Variants in PRKN observed in about 807,000 individuals in gnomAD.
The protein encoded by PRKN is parkin RBR E3 ubiquitin protein ligase.
PRKN carries 56 observed loss-of-function variants against 59.5 expected under a neutral mutation model. The observed-to-expected ratio is 0.94, with a 90% CI of 0.76 to 1.18. The LOEUF is 1.18. Among genes scored for constraint, PRKN ranks in the 50% most tolerant of loss-of-function variants. The pLI is 0.00. For missense variants in PRKN, 657 were observed against 596.4 expected (o/e 1.10, Z -1.06); for synonymous variants, 250 against 222.1 (o/e 1.13, Z -1.12).
chr6:162,261,818 A>C (rs1322692016), intron 3 of PRKN, among the ~76,000 whole-genome samples: 2 of 152,120 alleles, frequency 1.3e-5, no homozygotes, highest in Admixed American at 1.3e-4. Context: ...AAAATTTTTA[A>C]GTTCCTTAAA....
At chr6:162,111,867 T>C (rs1780454002) in intron 4 of PRKN, among the ~76,000 whole-genome samples, 1 of 152,196 alleles carries the variant, frequency 6.6e-6, no homozygotes, top group Non-Finnish European at 1.5e-5. Context: ...CTTGCTTCCA[T>C]AACTCAACAG....
At chr6:162,028,508 C>G (rs542202769) in intron 5 of PRKN, among the ~76,000 whole-genome samples, 2 of 152,236 alleles carry the variant, frequency 1.3e-5, no homozygotes, top group South Asian at 4.1e-4. Flanking sequence ...TGGAGGTGTG[C>G]GTGGAAACTT....
rs61592555 is a variant in PRKN, at chr6:162,179,968, C to CTGTGTGTGTGTGTGTGTGTGTGTG, written c.534+21139_534+21162dup. 1.9e-3 allele frequency among the ~76,000 whole-genome samples: 261 copies of CTGTGTGTGTGTGTGTGTGTGTGTG among 139,760 alleles called. 2 individuals carry two copies. Among genetic ancestry groups the CTGTGTGTGTGTGTGTGTGTGTGTG allele is most frequent in the Non-Finnish European group, 2.8e-3 (179 of 64,476 alleles). 91.7% of individuals were successfully genotyped at this position (139,760 alleles called of 152,430 possible). ...GACAGTGCTTTTTGTTATCTTATTA[C>CTGTGTGTGTGTGTGTGTGTGTGTG]TGTGTGTGTGTGTGTGTGTGTGTGT... On this transcript the variant is annotated intron_variant, in intron 4 of 11. Coordinates refer to ENST00000366898, the MANE Select transcript of PRKN (RefSeq NM_004562.3).
At chr6:162,304,264 T>A (rs1340900249) in intron 2 of PRKN, among the ~76,000 whole-genome samples, 1 of 150,708 alleles carries the variant, frequency 6.6e-6, no homozygotes, top group African/African-American at 2.4e-5. Context: ...AGTTTTCATC[T>A]TTTATTTATG....
At chr6:162,232,012 C>T (rs1336436295) in intron 3 of PRKN, among the ~76,000 whole-genome samples, 1 of 152,144 alleles carries the variant, frequency 6.6e-6, no homozygotes, top group African/African-American at 2.4e-5. Context: ...ACTGTGACCA[C>T]TTCCATACCC....
In PRKN at chr6:162,232,986, A is replaced by G. The variant is rs183481330; in HGVS notation, c.412+29539T>C. Among the ~76,000 whole-genome samples, 471 of 152,302 alleles carry G rather than the reference A, an allele frequency of 3.1e-3. 3 individuals carry two copies. Among genetic ancestry groups the G allele is most frequent in the African/African-American group, 0.011 (443 of 41,578 alleles). On this transcript the variant is annotated intron_variant, in intron 3 of 11. Coordinates refer to ENST00000366898, the MANE Select transcript of PRKN (RefSeq NM_004562.3). ...TAAAAGAGGAAATACACACCAGCAT[A>G]AAAGTGTGTTTATTTATTTTGCACA...
At chr6:161,825,646 C>T (rs962596598) in intron 6 of PRKN, among the ~76,000 whole-genome samples, 1 of 152,194 alleles carries the variant, frequency 6.6e-6, no homozygotes, top group African/African-American at 2.4e-5. Flanking sequence ...TCTTGATCTT[C>T]TGGGCATGGG....
chr6:161,450,740 A>G (rs929906165), intron 9 of PRKN, among the ~76,000 whole-genome samples: 26 of 152,194 alleles, frequency 1.7e-4, no homozygotes, highest in Admixed American at 6.5e-4. Flanking sequence ...TATTTTTAGT[A>G]GAGACAGGGT....
intron 2 of PRKN, among the ~76,000 whole-genome samples, chr6:162,394,907 T>G (rs1239144447): frequency 6.6e-6 from 1 of 152,234 alleles, no homozygotes; most frequent in Non-Finnish European, 1.5e-5. Flanking sequence ...CTAGTGTAAT[T>G]AATTGGACCT....
intron 1 of PRKN, among the ~76,000 whole-genome samples, chr6:162,585,555 T>C (rs1583856437): frequency 1.3e-5 from 2 of 152,194 alleles, no homozygotes; most frequent in East Asian, 3.9e-4. Flanking sequence ...TATTCTTCTC[T>C]TATTTCCTGT....
At chr6:161,496,762 G>T (rs1476197441) in intron 9 of PRKN, among the ~76,000 whole-genome samples, 1 of 152,176 alleles carries the variant, frequency 6.6e-6, no homozygotes, top group Non-Finnish European at 1.5e-5. Flanking sequence ...AACATGGCTG[G>T]CATCCTCAGA....
intron 2 of PRKN, among the ~76,000 whole-genome samples, chr6:162,298,761 C>A (rs1295084059): frequency 6.6e-6 from 1 of 151,966 alleles, no homozygotes; most frequent in Admixed American, 6.6e-5. Context: ...CAAGCTGTTT[C>A]TTGACCCTGT....
At chr6:162,216,613 G>C (rs534209154) in intron 3 of PRKN, among the ~76,000 whole-genome samples, 1 of 146,854 alleles carries the variant, frequency 6.8e-6, no homozygotes, top group Non-Finnish European at 1.5e-5. Context: ...TTGATCACCT[G>C]TCCAAACCAT....
intron 1 of PRKN, among the ~76,000 whole-genome samples, chr6:162,646,540 T>A (rs1778194048): frequency 6.6e-6 from 1 of 152,130 alleles, no homozygotes; most frequent in African/African-American, 2.4e-5. Flanking sequence ...CACTTTGGCC[T>A]CCCAAACTGC....
At chr6:161,968,664 C>CAT (rs1363389700) in intron 6 of PRKN, among the ~76,000 whole-genome samples, 1 of 151,882 alleles carries the variant, frequency 6.6e-6, no homozygotes, top group Non-Finnish European at 1.5e-5. Flanking sequence ...ATGATTAATA[C>CAT]ATATATATAC....
intron 4 of PRKN, among the ~76,000 whole-genome samples, chr6:162,081,791 A>G (rs986032490): frequency 6.6e-6 from 1 of 152,158 alleles, no homozygotes; most frequent in African/African-American, 2.4e-5. Context: ...AGTCCTAGAT[A>G]GCATCTTGTT....
rs114974496 is a variant in PRKN at position 161,973,322 on chromosome 6, G to C, written c.714C>G (p.Cys238Trp). ...LIATNSRNIT[C>W]ITCTDVRSPV... ...CTTACCTGACGTCTGTGCACGTAATGCAAGTGATGTTCCGACTATTTGTTG... is the reference window on the plus strand; with the variant it reads ...CTTACCTGACGTCTGTGCACGTAATCCAAGTGATGTTCCGACTATTTGTTG... Residue 238 changes from cysteine to tryptophan, a missense_variant, in exon 6 of 12, where the codon TGC (cysteine) becomes TGG (tryptophan). Physicochemically the swap from Cys to Trp is radical, Grantham distance 215 (BLOSUM62 -2). Transcript: ENST00000366898. 3 of 1,611,802 alleles carry C rather than the reference G, an allele frequency of 1.9e-6. No homozygotes were observed. The highest frequency in any genetic ancestry group is 2.5e-6 in the Non-Finnish European group (3 of 1,177,850).
At chr6:162,705,243 TA>T (rs1280436602) in intron 1 of PRKN, among the ~76,000 whole-genome samples, 2 of 152,174 alleles carry the variant, frequency 1.3e-5, no homozygotes, top group East Asian at 3.9e-4. Context: ...CCTCACCCCT[TA>T]AAGTGATACC....
At position 162,043,541 on chromosome 6, in the gene PRKN, A is replaced by C. The variant is rs182267312; in HGVS notation, c.618+10550T>G. On this transcript the variant is annotated intron_variant, in intron 5 of 11. Coordinates refer to ENST00000366898, the MANE Select transcript of PRKN (RefSeq NM_004562.3). Reference sequence around the variant, plus strand: ...GATGAACAGAGGCCAATGGCCATGGACATAGAAGGAGAAGGAGTTACAGAC... The same window carrying C: ...GATGAACAGAGGCCAATGGCCATGGCCATAGAAGGAGAAGGAGTTACAGAC... 3.3e-3 allele frequency among the ~76,000 whole-genome samples: 502 copies of C among 152,336 alleles called. 2 individuals are homozygous for C. Among genetic ancestry groups the C allele is most frequent in the African/African-American group, 0.012 (479 of 41,586 alleles).
Sources: gnomAD v4.1 joint callset for allele counts (sites outside exome capture counted in the v4.1 genomes callset) on GRCh38, gnomAD v4.1.1 for gene constraint, MANE v1.5 for transcripts, NCBI Gene and HGNC (gene_info 2026-07-23, HGNC 2026-07-21) for gene names.